GLI2: variants seen among roughly 807,000 people sequenced by gnomAD.
GLI2 encodes GLI family zinc finger 2, also known as transcription activator GLI2.
GLI2 carries 22 observed loss-of-function variants against 78.9 expected under a neutral mutation model. That is an observed-to-expected ratio of 0.28 (90% CI 0.20 to 0.40). The LOEUF (loss-of-function observed/expected upper bound fraction) is 0.40, where lower values mean the gene tolerates loss of function less well. GLI2 is among the 10% of genes least tolerant of loss of function. The probability of loss-of-function intolerance (pLI) is 1.00; values close to 1 mark genes in which losing one functional copy is unlikely to be tolerated. For missense variants in GLI2, 2,097 were observed against 2,213.2 expected (o/e 0.95, Z 1.05); for synonymous variants, 974 against 963.7 (o/e 1.01, Z -0.20).
chr2:120,939,951 G>GC, intron 3 of GLI2, among the ~76,000 whole-genome samples: 1 of 152,146 alleles, frequency 6.6e-6, no homozygotes, highest in Non-Finnish European at 1.5e-5. Flanking sequence ...GGAGGTGATG[G>GC]CCTCTACATT....
intron 13 of GLI2, among the ~76,000 whole-genome samples, chr2:120,987,833 G>GTGAAGATAGGGACTT (rs1683050370): frequency 6.6e-6 from 1 of 152,240 alleles, no homozygotes; most frequent in Non-Finnish European, 1.5e-5. Context: ...TAATGGTAAA[G>GTGAAGATAGGGACTT]TGAAGATAGG....
chr2:120,826,346 A>C (rs1254024699), intron 2 of GLI2, among the ~76,000 whole-genome samples: 2 of 152,224 alleles, frequency 1.3e-5, no homozygotes, highest in Admixed American at 6.5e-5. Context: ...CCTGTACTGC[A>C]GGCTCCAGAG....
At chr2:120,795,101 G>T (rs577670215) in intron 1 of GLI2, among the ~76,000 whole-genome samples, 30 of 152,340 alleles carry the variant, frequency 2.0e-4, no homozygotes, top group African/African-American at 7.0e-4. Flanking sequence ...GAGTGTGGTA[G>T]TGTGCACCTG....
chr2:120,970,639 G>A (rs756838422), intron 7 of GLI2, 33 bp downstream of exon 7: 17 of 1,528,550 alleles, frequency 1.1e-5, no homozygotes, highest in Non-Finnish European at 1.5e-5. Flanking sequence ...ATGGCCACTG[G>A]GTACTCATCT....
Position 120,868,420 on chromosome 2 carries a change from G to T in GLI2, c.149-58941G>T, listed in dbSNP as rs192345849. Among the ~76,000 whole-genome samples the T allele has an allele frequency of 1.2e-4, 19 of 152,268 alleles. No individual in the cohort carries two copies. The South Asian group carries it at 3.3e-3, about 27-fold the overall frequency. ...GTCTTTTTTCTTTGCAACATCTATCGAATCTTTCTTCTTTTGACTTTCTAA... is the reference window on the plus strand; with the variant it reads ...GTCTTTTTTCTTTGCAACATCTATCTAATCTTTCTTCTTTTGACTTTCTAA... On this transcript the variant is annotated intron_variant, in intron 2 of 13. Coordinates refer to ENST00000361492, the MANE Select transcript of GLI2 (RefSeq NM_001374353.1).
chr2:120,876,212 G>T (rs1275423758), intron 2 of GLI2, among the ~76,000 whole-genome samples: 1 of 152,072 alleles, frequency 6.6e-6, no homozygotes, highest in Non-Finnish European at 1.5e-5. Flanking sequence ...CGTGGTGGCG[G>T]GTGCCTGTAG....
rs1682871398 is a variant in GLI2 at position 120,984,476 on chromosome 2, C to T, written c.1638C>T (p.Pro546=). The T allele has an allele frequency of 6.2e-7, 1 of 1,614,074 alleles. No individual in the cohort carries two copies. Among genetic ancestry groups the T allele is most frequent in the African/African-American group, 1.3e-5 (1 of 74,930 alleles). ...AGGCCTGCTTCTCTCCCCAGAAACC[C>T]TACATCTGCAAGATCCCAGGCTGCA... is the stretch of plus-strand genomic sequence containing the variant. ...HQNRTHSNEK[P]YICKIPGCTK... is the part of the protein sequence containing the mutation. Residue 546 remains proline (P), a synonymous_variant, in exon 12 of 14, where the codon CCC becomes CCT. Coordinates refer to ENST00000361492, the MANE Select transcript of GLI2 (RefSeq NM_001374353.1).
Position 120,778,325 on chromosome 2 carries a change from C to T in GLI2, c.-30-18966C>T, listed in dbSNP as rs144429785. On this transcript the variant is annotated intron_variant, in intron 1 of 13. Coordinates refer to ENST00000361492, the MANE Select transcript of GLI2 (RefSeq NM_001374353.1). ...TCTTCCTTTGTATCTCAGAACTCGACGTTAGCTCCTCACAGCGTCCCTCCT... is the reference window on the plus strand; with the variant it reads ...TCTTCCTTTGTATCTCAGAACTCGATGTTAGCTCCTCACAGCGTCCCTCCT... Among the ~76,000 whole-genome samples, 210 of 152,274 alleles carry T rather than the reference C, an allele frequency of 1.4e-3. 3 individuals carry two copies. The highest frequency in any genetic ancestry group is 3.1e-3 in the East Asian group (16 of 5,180).
intron 8 of GLI2, 164 bp from the exon 9 acceptor site, chr2:120,974,811 C>A: frequency 1.1e-6 from 1 of 874,714 alleles, no homozygotes; most frequent in Non-Finnish European, 1.9e-6. Context: ...TGTCTGCATG[C>A]ATGTGTTGTG....
chr2:120,776,840 G>A (rs1683690011), intron 1 of GLI2, among the ~76,000 whole-genome samples: 1 of 152,250 alleles, frequency 6.6e-6, no homozygotes, highest in Non-Finnish European at 1.5e-5. Flanking sequence ...GTGGGCCGGG[G>A]ACTGCCTCTG....
At chr2:120,965,248 A>C (rs1196284226) in intron 5 of GLI2, among the ~76,000 whole-genome samples, 4 of 132,098 alleles carry the variant, frequency 3.0e-5, no homozygotes, top group Non-Finnish European at 6.5e-5. Context: ...CACTCCAGCC[A>C]GGATGCAGAT....
chr2:120,772,413 A>T (rs192630106), intron 1 of GLI2, among the ~76,000 whole-genome samples: 1 of 152,278 alleles, frequency 6.6e-6, no homozygotes, highest in Non-Finnish European at 1.5e-5. Context: ...GAGGTCATAG[A>T]GCACACTTGT....
chr2:120,951,360 C>T lies in GLI2; in HGVS notation c.372C>T (p.Pro124=), dbSNP rs1680982350. 7.5e-6 allele frequency: 12 copies of T among 1,607,974 alleles called. No individual in the cohort carries two copies. The highest frequency in any genetic ancestry group is 1.3e-5 in the African/African-American group (1 of 74,960). Residue 124 remains proline, a synonymous_variant, in exon 4 of 14, where the codon CCC becomes CCT. Transcript: ENST00000361492. The part of the protein sequence containing the change: ...PFNAPHPYVN[P]HMEHYLRSVH... ...ACGCCCCCCACCCGTACGTGAACCC[C>T]CACATGGAGCACTACCTCCGTTCTG...
chr2:120,976,984 G>C (rs1438485603), intron 9 of GLI2, among the ~76,000 whole-genome samples: 4 of 152,236 alleles, frequency 2.6e-5, no homozygotes, highest in South Asian at 2.1e-4. Context: ...CATTTGAAAG[G>C]CTTTAAAAAT....
At chr2:120,943,290 G>T (rs923413724) in intron 3 of GLI2, among the ~76,000 whole-genome samples, 1 of 152,212 alleles carries the variant, frequency 6.6e-6, no homozygotes, top group African/African-American at 2.4e-5. Context: ...TGGGGGAAGG[G>T]ATGAAGAGGG....
chr2:120,816,945 T>C (rs1685524283), intron 2 of GLI2, among the ~76,000 whole-genome samples: 1 of 152,336 alleles, frequency 6.6e-6, no homozygotes, highest in East Asian at 1.9e-4. Context: ...TTAAAATCCA[T>C]GGGTCTGTCT....
rs117761822 is a variant in GLI2 at position 120,864,471 on chromosome 2, C to G, written c.149-62890C>G. Among the ~76,000 whole-genome samples, 190 of 152,160 alleles carry G rather than the reference C, an allele frequency of 1.2e-3. 5 individuals are homozygous for G. The East Asian group carries it at 0.027, about 22-fold the overall frequency. ...TGGGCTTGCCAGAGGCACTCCCACC[C>G]TCTCTTTTTTTTTTGAGACGGAGTC... On this transcript the variant is annotated intron_variant, in intron 2 of 13. Coordinates refer to ENST00000361492, the MANE Select transcript of GLI2 (RefSeq NM_001374353.1).
intron 2 of GLI2, among the ~76,000 whole-genome samples, chr2:120,899,691 T>C (rs1364850779): frequency 6.6e-6 from 1 of 152,232 alleles, no homozygotes; most frequent in Non-Finnish European, 1.5e-5. Flanking sequence ...GTCTCACCTC[T>C]GCAGAATAGG....
At chr2:120,739,666 G>A (rs1226686863) in intron 1 of GLI2, among the ~76,000 whole-genome samples, 4 of 152,222 alleles carry the variant, frequency 2.6e-5, no homozygotes, top group Non-Finnish European at 4.4e-5. Context: ...AGCTGTTCCC[G>A]CTGGGCCAGG....
Sources: allele counts gnomAD v4.1 joint callset (sites outside exome capture counted in the v4.1 genomes callset), GRCh38; gene constraint gnomAD v4.1.1; transcripts MANE v1.5; gene names NCBI Gene and HGNC (gene_info 2026-07-23, HGNC 2026-07-21).